The following FOXN3 variants were observed in gnomAD, a reference collection of about 807,000 sequenced individuals.
FOXN3 encodes the protein forkhead box N3, also known as forkhead box protein N3.
In FOXN3, 7 loss-of-function variants were observed where a neutral mutation model predicts 38.4. The observed-to-expected ratio is 0.18, with a 90% CI of 0.10 to 0.34. The LOEUF (loss-of-function observed/expected upper bound fraction) is 0.34. Ranked by LOEUF, FOXN3 falls within the 10% of genes least tolerant of loss-of-function variation. The pLI is 1.00. For missense variants in FOXN3, 456 were observed against 613.4 expected, an observed-to-expected ratio of 0.74 and a Z score of 2.71; for synonymous variants, 230 against 242.2, an observed-to-expected ratio of 0.95 and a Z score of 0.47.
At chr14:89,468,433 G>A (rs1400216377) in intron 1 of FOXN3, among the ~76,000 whole-genome samples, 3 of 151,810 alleles carry the variant, frequency 2.0e-5, no homozygotes, top group African/African-American at 7.3e-5. Context: ...CATCCTGGGT[G>A]ACAGAGGAAG....
At chr14:89,462,634 T>C (rs1892869671) in intron 1 of FOXN3, among the ~76,000 whole-genome samples, 1 of 151,590 alleles carries the variant, frequency 6.6e-6, no homozygotes, top group Non-Finnish European at 1.5e-5. Context: ...CACATGGCAA[T>C]GGAGGGGGCT....
intron 2 of FOXN3, among the ~76,000 whole-genome samples, chr14:89,378,649 A>C (rs966226744): frequency 3.3e-5 from 5 of 152,084 alleles, no homozygotes; most frequent in African/African-American, 1.2e-4. Context: ...GCAAATAAAA[A>C]CTAGGAAGAA....
intron 1 of FOXN3, among the ~76,000 whole-genome samples, chr14:89,575,643 G>A (rs906592853): frequency 6.6e-6 from 1 of 152,042 alleles, no homozygotes; most frequent in African/African-American, 2.4e-5. Flanking sequence ...TCGGGCCCTT[G>A]GAGGCTGCTT....
At chr14:89,530,371 G>A (rs1300018140) in intron 1 of FOXN3, among the ~76,000 whole-genome samples, 1 of 152,290 alleles carries the variant, frequency 6.6e-6, no homozygotes, top group African/African-American at 2.4e-5. Flanking sequence ...AGGCAAGAGA[G>A]CATGATCGGG....
intron 1 of FOXN3, among the ~76,000 whole-genome samples, chr14:89,497,973 C>A (rs1430884491): frequency 1.3e-5 from 2 of 151,904 alleles, no homozygotes; most frequent in African/African-American, 2.4e-5. Context: ...CAGTATCTCA[C>A]TAATTTCGAT....
intron 4 of FOXN3, among the ~76,000 whole-genome samples, chr14:89,222,571 T>G (rs1223789859): frequency 1.3e-5 from 2 of 151,974 alleles, no homozygotes; most frequent in Non-Finnish European, 2.9e-5. Flanking sequence ...CAAATGACTA[T>G]AAAAAGGAGC....
At chr14:89,284,409 T>G (rs552798740) in intron 3 of FOXN3, 113 of 454,898 alleles carry the variant, frequency 2.5e-4, no homozygotes, top group Non-Finnish European at 4.2e-4. Context: ...CAAGAAGGAC[T>G]AGGGCTTGCC....
chr14:89,192,353 TAC>T (rs950405752), intron 4 of FOXN3, among the ~76,000 whole-genome samples: 6 of 145,812 alleles, frequency 4.1e-5, no homozygotes, highest in South Asian at 4.2e-4. Flanking sequence ...TGTAATAGTA[TAC>T]AGTTTATATA....
intron 2 of FOXN3, among the ~76,000 whole-genome samples, chr14:89,370,643 G>A (rs1163358840): frequency 6.6e-6 from 1 of 152,248 alleles, no homozygotes; most frequent in Non-Finnish European, 1.5e-5. Flanking sequence ...AAGGGAATAA[G>A]CAGAGAAAGA....
chr14:89,546,329 C>CTTTCTTTTTTTTTTTTT (rs1555359724), intron 1 of FOXN3, among the ~76,000 whole-genome samples: 12 of 78,332 alleles, frequency 1.5e-4, no homozygotes, highest in African/African-American at 6.5e-4. Context: ...TTTCCTTTTT[C>CTTTCTTTTTTTTTTTTT]TTTTTTTTTT....
At chr14:89,257,952 G>C (rs1885677241) in intron 4 of FOXN3, among the ~76,000 whole-genome samples, 1 of 152,124 alleles carries the variant, frequency 6.6e-6, no homozygotes, top group Admixed American at 6.5e-5. Flanking sequence ...TTTTTACCAA[G>C]GCTTGAGGAT....
intron 3 of FOXN3, chr14:89,291,613 G>C: frequency 2.0e-6 from 1 of 509,174 alleles, no homozygotes; most frequent in South Asian, 1.5e-5. Flanking sequence ...GCTGCCCTGG[G>C]GTCCTGTCTT....
chr14:89,214,667 T>C (rs577120967), intron 4 of FOXN3, among the ~76,000 whole-genome samples: 27 of 152,360 alleles, frequency 1.8e-4, no homozygotes, highest in African/African-American at 5.8e-4. Flanking sequence ...TACCCAAGTT[T>C]CCTTTCACTG....
At chr14:89,271,093 T>C (rs1225311690) in intron 4 of FOXN3, among the ~76,000 whole-genome samples, 1 of 152,218 alleles carries the variant, frequency 6.6e-6, no homozygotes, top group Non-Finnish European at 1.5e-5. Context: ...CCGCAGCAGG[T>C]ACTCCCCAGA....
chr14:89,334,673 G>C (rs1360440960), intron 3 of FOXN3, among the ~76,000 whole-genome samples: 2 of 147,186 alleles, frequency 1.4e-5, no homozygotes, highest in African/African-American at 4.9e-5. Context: ...AGAGACTACA[G>C]TTAATAATAC....
At chr14:89,325,265 CCATCACCAA>C (rs1888025349) in intron 3 of FOXN3, among the ~76,000 whole-genome samples, 1 of 147,038 alleles carries the variant, frequency 6.8e-6, no homozygotes, top group Non-Finnish European at 1.5e-5. Flanking sequence ...ACCACCACCA[CCATCACCAA>C]CACCAACACC....
intron 2 of FOXN3, among the ~76,000 whole-genome samples, chr14:89,374,263 CAAAAAAAAAAAA>C (rs35623770): frequency 1.5e-4 from 7 of 48,178 alleles, no homozygotes; most frequent in East Asian, 7.4e-4. Flanking sequence ...GACCTTGTCT[CAAAAAAAAAAAA>C]AAAAAAAAAA....
At chr14:89,275,829 A>C (rs752364205) in intron 4 of FOXN3, among the ~76,000 whole-genome samples, 7 of 152,254 alleles carry the variant, frequency 4.6e-5, no homozygotes, top group African/African-American at 9.6e-5. Flanking sequence ...GAGGAACAGC[A>C]TGCATCTCAC....
chr14:89,450,570 C>T (rs1270628444), intron 1 of FOXN3, among the ~76,000 whole-genome samples: 1 of 149,600 alleles, frequency 6.7e-6, no homozygotes, highest in Non-Finnish European at 1.5e-5. Flanking sequence ...AAAAAAATAA[C>T]ATTCTCGACT....
Sources: gnomAD v4.1 joint callset for allele counts (sites outside exome capture counted in the v4.1 genomes callset) on GRCh38, gnomAD v4.1.1 for gene constraint, MANE v1.5 for transcripts, NCBI Gene and HGNC (gene_info 2026-07-23, HGNC 2026-07-21) for gene names.